Variants in RPS6KA6 observed in about 807,000 individuals in gnomAD.
RPS6KA6 encodes the protein ribosomal protein S6 kinase A6.
In RPS6KA6, 27 loss-of-function variants were observed where a neutral mutation model predicts 65.4. The ratio of observed to expected loss-of-function variants is 0.41; its 90% CI spans 0.30 to 0.57. The LOEUF is 0.57. RPS6KA6 is among the 20% of genes least tolerant of loss of function. The probability of loss-of-function intolerance (pLI) is 0.24; values close to 1 mark genes in which losing one functional copy is unlikely to be tolerated. For missense variants in RPS6KA6, 486 were observed against 555.6 expected (o/e 0.87, Z 1.26); for synonymous variants, 190 against 184.2 (o/e 1.03, Z -0.26).
At chrX:84,110,220 A>G (rs2034444554) in intron 12 of RPS6KA6, among the ~76,000 whole-genome samples, 1 of 111,703 alleles carries the variant, frequency 9.0e-6, no homozygotes, top group Non-Finnish European at 1.9e-5. Flanking sequence ...GTGATAGATA[A>G]ATAGAACATA....
chrX:84,106,025 A>C, intron 15 of RPS6KA6, 149 bp from the exon 16 acceptor site: 1 of 390,205 alleles, frequency 2.6e-6, no homozygotes, highest in Non-Finnish European at 4.4e-6. Context: ...TAAAAACATA[A>C]GTAAAAAACT....
At chrX:84,130,978 G>C (rs1313380106) in intron 8 of RPS6KA6, among the ~76,000 whole-genome samples, 5 of 112,002 alleles carry the variant, frequency 4.5e-5, no homozygotes, top group Non-Finnish European at 9.4e-5. Context: ...TACAACAAAA[G>C]TGATTTTTAA....
chrX:84,079,651 C>T (rs558898195), intron 20 of RPS6KA6, among the ~76,000 whole-genome samples: 1 of 111,184 alleles, frequency 9.0e-6, no homozygotes, highest in East Asian at 2.9e-4. Flanking sequence ...GAGGGGCGTC[C>T]ACCATCATTG....
In RPS6KA6 at chrX:84,156,126, A is replaced by G. The variant is rs951358655; in HGVS notation, c.207T>C (p.Asp69=). ...CCTTGAGCAACTCAAACTGTGCAGG[A>G]TCTGCTTTCTCATAGCCTTCCTTAA... ...HHVKEGYEKA[D]PAQFELLKVL... Residue 69 remains aspartate (D), a synonymous_variant, in exon 3 of 22, where the codon GAT becomes GAC. Transcript: ENST00000262752. The G allele has an allele frequency of 4.2e-6, 5 of 1,201,372 alleles. No homozygotes were observed. In the Admixed American group the frequency reaches 1.1e-4, roughly 26 times the overall value.
chrX:84,101,749 C>T (rs757818568), intron 18 of RPS6KA6, among the ~76,000 whole-genome samples: 3 of 110,430 alleles, frequency 2.7e-5, no homozygotes, highest in Non-Finnish European at 5.7e-5. Context: ...GAAGCTGTGG[C>T]TATCTTTTCC....
At position 84,161,268 on chromosome X, in the gene RPS6KA6, G is replaced by T. The variant is rs182730402; in HGVS notation, c.141+3060C>A. Among the ~76,000 whole-genome samples, 754 of 111,052 alleles carry T rather than the reference G, an allele frequency of 6.8e-3. 3 individuals carry two copies. The highest frequency in any genetic ancestry group is 0.012 in the Non-Finnish European group (641 of 52,803). On this transcript the variant is annotated intron_variant, in intron 2 of 21. Transcript: ENST00000262752. ...GAGGAACATACTGAATATCACTTTT[G>T]CACCACTATAAAGTTGAAACTCATA...
rs766287569 is a variant in RPS6KA6, at chrX:84,164,322, A to C, written c.141+6T>G. The stretch of plus-strand genomic sequence containing the variant: ...TGTGGCTTAATAAATTAACATAAAT[A>C]CTTACATGACAAGAATCTGCTTCTC... On this transcript the variant is annotated splice_donor_region_variant and intron_variant, in intron 2 of 21. Coordinates refer to ENST00000262752, the MANE Select transcript of RPS6KA6 (RefSeq NM_014496.5). 8.6e-7 allele frequency: 1 copy of C among 1,160,638 alleles called. No homozygotes were observed. Among genetic ancestry groups the C allele is most frequent in the Non-Finnish European group, 1.2e-6 (1 of 852,195 alleles).
intron 1 of RPS6KA6, among the ~76,000 whole-genome samples, chrX:84,184,462 T>C (rs765330444): frequency 9.0e-6 from 1 of 111,677 alleles, no homozygotes; most frequent in African/African-American, 3.3e-5. Flanking sequence ...ACATAACAAC[T>C]CTTGAAGATG....
chrX:84,123,398 G>A (rs929519131), intron 8 of RPS6KA6, among the ~76,000 whole-genome samples: 3 of 112,910 alleles, frequency 2.7e-5, no homozygotes, highest in Non-Finnish European at 5.6e-5. Context: ...TCTTGAGTCT[G>A]AGCCTAGGCT....
rs1027353284 is a variant in RPS6KA6 at position 84,139,237 on chromosome X, A to G, written c.502-4027T>C. 3.6e-5 allele frequency among the ~76,000 whole-genome samples: 4 copies of G among 112,070 alleles called. 1 individual carries two copies. Among genetic ancestry groups the G allele is most frequent in the African/African-American group, 1.3e-4 (4 of 30,863 alleles). Reference sequence around the variant, plus strand: ...TCCCACATCGAGAATGGAGGTCTGAAGAGTTTAAAAGAAAATTAGAAATGA... The same window carrying G: ...TCCCACATCGAGAATGGAGGTCTGAGGAGTTTAAAAGAAAATTAGAAATGA... On this transcript the variant is annotated intron_variant, in intron 6 of 21. Transcript: ENST00000262752.
At chrX:84,115,443 G>C (rs930231942) in intron 12 of RPS6KA6, among the ~76,000 whole-genome samples, 4 of 111,952 alleles carry the variant, frequency 3.6e-5, no homozygotes, top group South Asian at 7.4e-4. Flanking sequence ...TTATTAAAAA[G>C]TTAGAAAATA....
At chrX:84,104,097 T>TA (rs1230856379) in intron 17 of RPS6KA6, among the ~76,000 whole-genome samples, 3 of 110,861 alleles carry the variant, frequency 2.7e-5, no homozygotes, top group Non-Finnish European at 5.7e-5. Context: ...ACACATTTCT[T>TA]ACTGTATTTA....
intron 17 of RPS6KA6, among the ~76,000 whole-genome samples, chrX:84,102,929 G>T (rs1365491724): frequency 1.8e-5 from 2 of 110,779 alleles, no homozygotes; most frequent in Non-Finnish European, 3.8e-5. Flanking sequence ...ACTGATCCTT[G>T]TATCAAAAAT....
At chrX:84,183,513 T>C (rs904374189) in intron 1 of RPS6KA6, among the ~76,000 whole-genome samples, 2 of 111,504 alleles carry the variant, frequency 1.8e-5, no homozygotes, top group African/African-American at 6.5e-5. Flanking sequence ...GTGGCTCCTA[T>C]TTATGAGATA....
At chrX:84,130,169 C>T (rs2034871538) in intron 8 of RPS6KA6, among the ~76,000 whole-genome samples, 1 of 110,790 alleles carries the variant, frequency 9.0e-6, no homozygotes, top group Non-Finnish European at 1.9e-5. Context: ...AAATATAAAA[C>T]ATTCTAGGCT....
At chrX:84,178,422 T>A (rs182717067) in intron 1 of RPS6KA6, among the ~76,000 whole-genome samples, 1 of 112,073 alleles carries the variant, frequency 8.9e-6, no homozygotes, top group Admixed American at 9.5e-5. Context: ...CTTAATGTTT[T>A]GAAAATTAAT....
Position 84,103,237 on chromosome X carries a change from G to A in RPS6KA6, c.1615-1039C>T, listed in dbSNP as rs768653066. On this transcript the variant is annotated intron_variant, in intron 17 of 21. Transcript: ENST00000262752. ...TTCCAAGATGAACCATGCTAAAACA[G>A]ATAAGGATTTTAAAGTGACTATCAT... 6.3e-5 allele frequency among the ~76,000 whole-genome samples: 7 copies of A among 110,941 alleles called. No homozygotes were observed. In the South Asian group the frequency reaches 2.6e-3, roughly 42 times the overall value.
chrX:84,079,232 A>G (rs1201889891), intron 20 of RPS6KA6, among the ~76,000 whole-genome samples: 15 of 110,724 alleles, frequency 1.4e-4, no homozygotes, highest in Non-Finnish European at 1.3e-4. Flanking sequence ...TCCCTCCCCT[A>G]TCCAAGAGAA....
intron 3 of RPS6KA6, among the ~76,000 whole-genome samples, chrX:84,154,803 CTTTT>C (rs1355790774): frequency 9.0e-6 from 1 of 111,456 alleles, no homozygotes; most frequent in Non-Finnish European, 1.9e-5. Context: ...CTCAGTTTGT[CTTTT>C]TTGTGTCCTG....
Sources: gnomAD v4.1 joint callset for allele counts (sites outside exome capture counted in the v4.1 genomes callset) on GRCh38, gnomAD v4.1.1 for gene constraint, MANE v1.5 for transcripts, NCBI Gene and HGNC (gene_info 2026-07-23, HGNC 2026-07-21) for gene names.